The following CAMKMT variants were observed in gnomAD, a reference collection of about 807,000 sequenced individuals.
CAMKMT encodes the protein CaM KMT.
A neutral mutation model predicts 48.0 loss-of-function variants in CAMKMT; 53 were observed. The ratio of observed to expected loss-of-function variants is 1.10; its 90% CI spans 0.89 to 1.39. The LOEUF (loss-of-function observed/expected upper bound fraction) is 1.39. CAMKMT is among the 40% of genes most tolerant of loss of function. The pLI is 0.00. For missense variants in CAMKMT, 428 were observed against 402.7 expected (o/e 1.06, Z -0.54); for synonymous variants, 165 against 152.3 (o/e 1.08, Z -0.61).
chr2:44,755,620 T>C (rs1315987717), intron 9 of CAMKMT, among the ~76,000 whole-genome samples: 1 of 152,192 alleles, frequency 6.6e-6, no homozygotes, highest in Non-Finnish European at 1.5e-5. Flanking sequence ...CTAGGATCTA[T>C]TGTAAATCAT....
At chr2:44,651,163 G>T (rs1036720142) in intron 3 of CAMKMT, among the ~76,000 whole-genome samples, 1 of 152,174 alleles carries the variant, frequency 6.6e-6, no homozygotes, top group South Asian at 2.1e-4. Context: ...TTCAATTGAT[G>T]TTTCTGGGAA....
intron 3 of CAMKMT, among the ~76,000 whole-genome samples, chr2:44,409,120 T>TTGCTAC (rs1683002838): frequency 2.4e-4 from 1 of 4,094 alleles, no homozygotes; most frequent in Admixed American, 2.3e-3. Flanking sequence ...TATATATATA[T>TTGCTAC]ATATATATAT....
intron 3 of CAMKMT, among the ~76,000 whole-genome samples, chr2:44,629,571 G>A (rs534951795): frequency 1.3e-5 from 2 of 151,428 alleles, no homozygotes; most frequent in African/African-American, 4.8e-5. Flanking sequence ...CCCAGGTAGC[G>A]GGGACTACAG....
intron 3 of CAMKMT, among the ~76,000 whole-genome samples, chr2:44,489,571 G>A (rs543356357): frequency 2.7e-4 from 41 of 152,098 alleles, no homozygotes; most frequent in African/African-American, 5.3e-4. Flanking sequence ...TTCTGATGTC[G>A]TGGAAGAACT....
intron 3 of CAMKMT, among the ~76,000 whole-genome samples, chr2:44,449,971 C>T (rs913800040): frequency 4.6e-5 from 7 of 152,006 alleles, no homozygotes; most frequent in Admixed American, 2.6e-4. Context: ...AGTTAAGTAG[C>T]GAAATCCATG....
chr2:44,631,363 G>A (rs930844833), intron 3 of CAMKMT: 38 of 370,276 alleles, frequency 1.0e-4, no homozygotes, highest in South Asian at 2.4e-4. Flanking sequence ...TAACCTGCAC[G>A]TTGTGCACAT....
chr2:44,761,833 G>A (rs1384367903), intron 9 of CAMKMT, among the ~76,000 whole-genome samples: 1 of 152,182 alleles, frequency 6.6e-6, no homozygotes, highest in Non-Finnish European at 1.5e-5. Flanking sequence ...CCCTGGGAAG[G>A]GTAGGGGTTA....
chr2:44,389,602 C>T (rs1681122548), intron 2 of CAMKMT, among the ~76,000 whole-genome samples: 1 of 151,866 alleles, frequency 6.6e-6, no homozygotes, highest in Non-Finnish European at 1.5e-5. Context: ...ACCTATTGCA[C>T]AATTGAGTCT....
Position 44,365,533 on chromosome 2 carries a change from A to C in CAMKMT, c.138+3388A>C, listed in dbSNP as rs191863950. Among the ~76,000 whole-genome samples, 13 of 152,278 alleles carry C rather than the reference A, an allele frequency of 8.5e-5. No individual in the cohort carries two copies. In the East Asian group the frequency reaches 2.5e-3, roughly 29 times the overall value. Reference sequence around the variant, plus strand: ...ATGTTGACGAAGATGGCCACTGGCAACTCCGGGCTTTCATATCCATCCAGC... The same window carrying C: ...ATGTTGACGAAGATGGCCACTGGCACCTCCGGGCTTTCATATCCATCCAGC... On this transcript the variant is annotated intron_variant, in intron 1 of 10. Transcript: ENST00000378494.
intron 8 of CAMKMT, among the ~76,000 whole-genome samples, chr2:44,746,224 A>T (rs942585893): frequency 1.3e-5 from 2 of 152,246 alleles, no homozygotes; most frequent in African/African-American, 4.8e-5. Context: ...AAGCGTTTCC[A>T]GCAAGGGTGG....
intron 3 of CAMKMT, among the ~76,000 whole-genome samples, chr2:44,604,968 G>A (rs1671202984): frequency 6.6e-6 from 1 of 152,066 alleles, no homozygotes; most frequent in Non-Finnish European, 1.5e-5. Flanking sequence ...TTTTCCCTTA[G>A]TTCCAAATGG....
chr2:44,492,289 G>T (rs1180835114), intron 3 of CAMKMT, among the ~76,000 whole-genome samples: 2 of 152,004 alleles, frequency 1.3e-5, no homozygotes, highest in Non-Finnish European at 2.9e-5. Context: ...TTAGTCTGTG[G>T]TTAATAGTTT....
intron 3 of CAMKMT, among the ~76,000 whole-genome samples, chr2:44,391,324 A>C (rs1181800926): frequency 1.3e-5 from 2 of 152,146 alleles, no homozygotes; most frequent in African/African-American, 4.8e-5. Context: ...AAAATAATGT[A>C]GGTTTCTTTT....
intron 3 of CAMKMT, among the ~76,000 whole-genome samples, chr2:44,538,958 C>G (rs202204317): frequency 7.1e-5 from 10 of 140,220 alleles, no homozygotes; most frequent in Admixed American, 3.6e-4. Flanking sequence ...GTGTGTGTGT[C>G]TGTGTGTGTG....
At chr2:44,622,640 A>G (rs1672261838) in intron 3 of CAMKMT, among the ~76,000 whole-genome samples, 1 of 152,380 alleles carries the variant, frequency 6.6e-6, no homozygotes, top group East Asian at 1.9e-4. Flanking sequence ...AATGGCCTCC[A>G]GCCGCATCCT....
At chr2:44,562,157 A>G (rs1006065091) in intron 3 of CAMKMT, among the ~76,000 whole-genome samples, 7 of 152,212 alleles carry the variant, frequency 4.6e-5, no homozygotes, top group Non-Finnish European at 8.8e-5. Context: ...TTGAGTAGAA[A>G]GTCCTCTAGT....
At chr2:44,627,004 A>G (rs189356805) in intron 3 of CAMKMT, among the ~76,000 whole-genome samples, 1 of 152,280 alleles carries the variant, frequency 6.6e-6, no homozygotes, top group Non-Finnish European at 1.5e-5. Flanking sequence ...AGTTAAGTAT[A>G]GATTTTTTTG....
At chr2:44,370,277 G>T (rs997273799) in intron 1 of CAMKMT, among the ~76,000 whole-genome samples, 5 of 152,184 alleles carry the variant, frequency 3.3e-5, no homozygotes, top group Non-Finnish European at 5.9e-5. Context: ...GACATGTAAT[G>T]TAATTTTCTT....
intron 3 of CAMKMT, among the ~76,000 whole-genome samples, chr2:44,440,200 T>A (rs534200189): frequency 2.0e-5 from 3 of 152,222 alleles, no homozygotes; most frequent in African/African-American, 4.8e-5. Flanking sequence ...TCTAGTCCCA[T>A]GATTCTAGTG....
Sources: gnomAD v4.1 joint callset for allele counts (sites outside exome capture counted in the v4.1 genomes callset) on GRCh38, gnomAD v4.1.1 for gene constraint, MANE v1.5 for transcripts, NCBI Gene and HGNC (gene_info 2026-07-23, HGNC 2026-07-21) for gene names.